The following STX8 variants were observed in gnomAD, a reference collection of about 807,000 sequenced individuals.
The protein encoded by STX8 is syntaxin 8.
STX8 carries 23 observed loss-of-function variants against 37.5 expected under a neutral mutation model. That is an observed-to-expected ratio of 0.61 (90% CI 0.44 to 0.87). The LOEUF is 0.87. Among genes scored for constraint, STX8 ranks in the 40% least tolerant of loss-of-function variants. The pLI, the probability that STX8 is intolerant of heterozygous loss-of-function variation, is 0.00. For missense variants in STX8, 313 were observed against 284.7 expected (o/e 1.10, Z -0.71); for synonymous variants, 115 against 99.1 (o/e 1.16, Z -0.95).
chr17:9,392,092 G>A (rs1397946672), intron 6 of STX8, among the ~76,000 whole-genome samples: 1 of 152,140 alleles, frequency 6.6e-6, no homozygotes, highest in Non-Finnish European at 1.5e-5. Context: ...TGGAACCTGT[G>A]GCCTCAACTC....
chr17:9,562,918 T>C (rs947820780), intron 2 of STX8, among the ~76,000 whole-genome samples: 1 of 151,984 alleles, frequency 6.6e-6, no homozygotes, highest in African/African-American at 2.4e-5. Context: ...ATGCACATAA[T>C]TTTTTTAAAG....
intron 6 of STX8, among the ~76,000 whole-genome samples, chr17:9,404,042 G>C (rs1459546652): frequency 2.0e-5 from 3 of 151,792 alleles, no homozygotes; most frequent in Non-Finnish European, 4.4e-5. Flanking sequence ...AACATATTTT[G>C]TATATGTTAT....
At chr17:9,301,483 TTATTTA>T (rs1211401699) in intron 7 of STX8, among the ~76,000 whole-genome samples, 3 of 151,312 alleles carry the variant, frequency 2.0e-5, no homozygotes, top group African/African-American at 7.3e-5. Flanking sequence ...ATTTATTTAT[TTATTTA>T]TATTTATTTT....
intron 7 of STX8, among the ~76,000 whole-genome samples, chr17:9,347,620 G>A (rs150467829): frequency 0.012 from 1,781 of 152,172 alleles, 52 homozygotes; most frequent in African/African-American, 0.041. Context: ...AGGTTCAAGC[G>A]ATTCTCCTGC....
chr17:9,414,013 T>TCAA (rs1913071470), intron 6 of STX8, among the ~76,000 whole-genome samples: 3 of 142,046 alleles, frequency 2.1e-5, no homozygotes, highest in Non-Finnish European at 3.1e-5. Flanking sequence ...CATCTGTCCA[T>TCAA]CCATCCATCC....
intron 7 of STX8, among the ~76,000 whole-genome samples, chr17:9,311,625 ACAGT>A (rs929197362): frequency 2.0e-4 from 31 of 152,330 alleles, no homozygotes; most frequent in African/African-American, 7.5e-4. Context: ...TATTAAGAAC[ACAGT>A]CAGTCTGAAG....
At chr17:9,317,771 GAAAAA>G (rs201309652) in intron 7 of STX8, among the ~76,000 whole-genome samples, 14,575 of 91,980 alleles carry the variant, frequency 0.16, 882 homozygotes, top group Middle Eastern at 0.27. Context: ...CTCAGAAAAA[GAAAAA>G]AAAAAAAAAA....
At chr17:9,435,903 A>G (rs1904413104) in intron 6 of STX8, among the ~76,000 whole-genome samples, 1 of 152,210 alleles carries the variant, frequency 6.6e-6, no homozygotes, top group South Asian at 2.1e-4. Flanking sequence ...AAAAATTTTA[A>G]AAACAAAAGA....
intron 7 of STX8, among the ~76,000 whole-genome samples, chr17:9,374,759 T>G (rs1911527055): frequency 6.6e-6 from 1 of 152,028 alleles, no homozygotes; most frequent in South Asian, 2.1e-4. Flanking sequence ...ATCTCTAAAG[T>G]ATTTCCATTA....
chr17:9,451,923 TTA>T (rs1396067663), intron 6 of STX8, among the ~76,000 whole-genome samples: 1 of 152,210 alleles, frequency 6.6e-6, no homozygotes, highest in Non-Finnish European at 1.5e-5. Flanking sequence ...TGCATCTGAT[TTA>T]TGTTTTTCTC....
At chr17:9,540,324 G>A (rs963077628) in intron 4 of STX8, among the ~76,000 whole-genome samples, 12 of 152,182 alleles carry the variant, frequency 7.9e-5, no homozygotes, top group Admixed American at 5.2e-4. Context: ...CAGATTTCCC[G>A]GGGACTTTTC....
At chr17:9,369,244 T>C (rs571874301) in intron 7 of STX8, among the ~76,000 whole-genome samples, 8 of 152,264 alleles carry the variant, frequency 5.3e-5, no homozygotes, top group African/African-American at 1.9e-4. Context: ...GGACAAGGCA[T>C]TTCTCCATTG....
chr17:9,297,465 G>T (rs1254005159), intron 7 of STX8, among the ~76,000 whole-genome samples: 2 of 152,152 alleles, frequency 1.3e-5, no homozygotes, highest in Non-Finnish European at 2.9e-5. Flanking sequence ...ATGCTTCCTT[G>T]GTTGGTACAT....
At chr17:9,361,425 G>T (rs1911059747) in intron 7 of STX8, among the ~76,000 whole-genome samples, 1 of 152,132 alleles carries the variant, frequency 6.6e-6, no homozygotes, top group South Asian at 2.1e-4. Flanking sequence ...AGTCACAAGG[G>T]CAGAGTCTCT....
chr17:9,387,601 G>A (rs1037639575), intron 6 of STX8, among the ~76,000 whole-genome samples: 2 of 152,092 alleles, frequency 1.3e-5, no homozygotes, highest in Non-Finnish European at 2.9e-5. Flanking sequence ...CCAAAAAGTG[G>A]GCATTTTTAT....
intron 6 of STX8, chr17:9,452,517 G>C (rs745793710): frequency 5.9e-5 from 9 of 152,128 alleles, no homozygotes; most frequent in African/African-American, 1.2e-4. Context: ...TAGGTGGTAG[G>C]AAGTGCCCAG....
chr17:9,442,706 C>G (rs1056002485), intron 6 of STX8, among the ~76,000 whole-genome samples: 13 of 152,144 alleles, frequency 8.5e-5, no homozygotes, highest in African/African-American at 2.9e-4. Context: ...CTGTGCCCGG[C>G]CTGTATCTTC....
chr17:9,565,440 AC>A (rs1907416600), intron 2 of STX8, among the ~76,000 whole-genome samples: 1 of 151,802 alleles, frequency 6.6e-6, no homozygotes, highest in Admixed American at 6.6e-5. Flanking sequence ...ACATGGCGAA[AC>A]CCTCTCTCTA....
intron 6 of STX8, among the ~76,000 whole-genome samples, chr17:9,390,509 C>T (rs1164576480): frequency 5.3e-5 from 7 of 133,330 alleles, no homozygotes; most frequent in African/African-American, 2.0e-4. Context: ...ACAGCAAGAG[C>T]GAAACTCCGT....
Sources: gnomAD v4.1 joint callset for allele counts (sites outside exome capture counted in the v4.1 genomes callset) on GRCh38, gnomAD v4.1.1 for gene constraint, MANE v1.5 for transcripts, NCBI Gene and HGNC (gene_info 2026-07-23, HGNC 2026-07-21) for gene names.